Variants in R3HCC1L observed in about 807,000 individuals in gnomAD.
R3HCC1L encodes the protein coiled-coil domain-containing protein R3HCC1L.
R3HCC1L carries 51 observed loss-of-function variants against 59.9 expected under a neutral mutation model. The observed-to-expected ratio is 0.85, with a 90% CI of 0.68 to 1.07. The LOEUF (loss-of-function observed/expected upper bound fraction) is 1.07, where lower values mean the gene tolerates loss of function less well. R3HCC1L is among the 50% of genes least tolerant of loss of function. The pLI is 0.00. For missense variants in R3HCC1L, 965 were observed against 933.0 expected (o/e 1.03, Z -0.45); for synonymous variants, 322 against 315.2 (o/e 1.02, Z -0.23).
At chr10:98,172,411 A>G (rs1225340356) in intron 4 of R3HCC1L, among the ~76,000 whole-genome samples, 2 of 152,186 alleles carry the variant, frequency 1.3e-5, no homozygotes, top group Admixed American at 1.3e-4. Context: ...AGCAAAGCTG[A>G]GGTGTTAGGA....
At chr10:98,162,770 T>C (rs1847569756) in intron 2 of R3HCC1L, 113 bp from the exon 3 acceptor site, 1 of 152,442 alleles carries the variant, frequency 6.6e-6, no homozygotes, top group Non-Finnish European at 1.5e-5. Context: ...CCATCACAGC[T>C]TACTGCAGCC....
chr10:98,183,199 A>G (rs1849830815), intron 4 of R3HCC1L, among the ~76,000 whole-genome samples: 1 of 151,828 alleles, frequency 6.6e-6, no homozygotes, highest in South Asian at 2.1e-4. Context: ...AACATTTTTT[A>G]TTTCTTCTTC....
chr10:98,177,377 T>G (rs1272668334), intron 4 of R3HCC1L, among the ~76,000 whole-genome samples: 1 of 152,246 alleles, frequency 6.6e-6, no homozygotes, highest in Non-Finnish European at 1.5e-5. Context: ...TTCTTTTGGC[T>G]GCGTGGTATT....
chr10:98,189,225 A>G (rs921782317), intron 4 of R3HCC1L, among the ~76,000 whole-genome samples: 5 of 152,172 alleles, frequency 3.3e-5, no homozygotes, highest in African/African-American at 9.6e-5. Flanking sequence ...GAAAGAAACA[A>G]TAAAAATCAG....
chr10:98,244,192 C>G lies in R3HCC1L; in HGVS notation c.*34C>G, dbSNP rs756025433. On this transcript the variant is annotated 3_prime_UTR_variant, in exon 10 of 10. Transcript: ENST00000298999. ...CAATGAAAGGGATAATTCCATGAAT[C>G]AGAAAATGTTTCCATAGCCTTCAGA... is the stretch of plus-strand genomic sequence containing the variant. 1 of 1,590,834 alleles carries G rather than the reference C, an allele frequency of 6.3e-7. No individual in the cohort carries two copies. The highest frequency in any genetic ancestry group is 1.1e-5 in the South Asian group (1 of 90,458).
intron 5 of R3HCC1L, among the ~76,000 whole-genome samples, chr10:98,219,996 C>T (rs1382333851): frequency 2.0e-5 from 3 of 152,168 alleles, no homozygotes; most frequent in African/African-American, 7.2e-5. Context: ...CATCTCTTCT[C>T]CGGAACTCCC....
At position 98,149,027 on chromosome 10, in the gene R3HCC1L, C is replaced by T. The variant is rs545492101; in HGVS notation, c.-267-7066C>T. ...TTCTTTAATGGGAGACTTTTTATTA[C>T]GGCTTCAATCTGGCTATTTCTTATT... On this transcript the variant is annotated intron_variant, in intron 1 of 9. Coordinates refer to ENST00000298999, the MANE Select transcript of R3HCC1L (RefSeq NM_001351015.2). Among the ~76,000 whole-genome samples the T allele has an allele frequency of 2.1e-4, 32 of 152,222 alleles. 1 individual carries two copies. In the South Asian group the frequency reaches 3.9e-3, roughly 19 times the overall value.
chr10:98,148,988 C>T (rs1473260517), intron 1 of R3HCC1L, among the ~76,000 whole-genome samples: 4 of 152,138 alleles, frequency 2.6e-5, no homozygotes, highest in African/African-American at 9.7e-5. Flanking sequence ...GTGAAGCCAT[C>T]AGGTCCTGAG....
chr10:98,196,215 A>T (rs1851418959), intron 4 of R3HCC1L, among the ~76,000 whole-genome samples: 1 of 152,150 alleles, frequency 6.6e-6, no homozygotes, highest in Admixed American at 6.5e-5. Context: ...CTATGCCTTT[A>T]TTACAGTTAA....
chr10:98,210,495 TACTC>T (rs1468546583), intron 5 of R3HCC1L, among the ~76,000 whole-genome samples: 2 of 152,324 alleles, frequency 1.3e-5, no homozygotes, highest in African/African-American at 4.8e-5. Context: ...TCTTAGAAAT[TACTC>T]AGTTCAGTCT....
intron 1 of R3HCC1L, among the ~76,000 whole-genome samples, chr10:98,145,578 A>G (rs1333119533): frequency 2.6e-5 from 4 of 152,214 alleles, no homozygotes; most frequent in Non-Finnish European, 5.9e-5. Context: ...GTTTTTGGGG[A>G]CATGCATTTA....
intron 5 of R3HCC1L, among the ~76,000 whole-genome samples, chr10:98,217,844 A>G (rs1025609313): frequency 1.3e-5 from 2 of 152,068 alleles, no homozygotes; most frequent in Admixed American, 6.5e-5. Flanking sequence ...GTGTACAGAA[A>G]TGCTGAGTTA....
At chr10:98,156,448 G>A (rs1846892334) in intron 2 of R3HCC1L, among the ~76,000 whole-genome samples, 1 of 152,092 alleles carries the variant, frequency 6.6e-6, no homozygotes, top group African/African-American at 2.4e-5. Flanking sequence ...CTCTTGTGTT[G>A]GATATCTTGT....
chr10:98,182,534 T>C (rs555568462), intron 4 of R3HCC1L, among the ~76,000 whole-genome samples: 3 of 152,074 alleles, frequency 2.0e-5, no homozygotes, highest in Non-Finnish European at 2.9e-5. Context: ...TTCTCAGAGC[T>C]CAAACACCGT....
chr10:98,176,919 G>C (rs1294049321), intron 4 of R3HCC1L, among the ~76,000 whole-genome samples: 1 of 151,836 alleles, frequency 6.6e-6, no homozygotes. Flanking sequence ...GATGGATGTT[G>C]AATTTTGTCA....
At chr10:98,145,535 A>C (rs1156467975) in intron 1 of R3HCC1L, among the ~76,000 whole-genome samples, 25 of 152,218 alleles carry the variant, frequency 1.6e-4, no homozygotes, top group Non-Finnish European at 3.5e-4. Context: ...AAAATTGATT[A>C]ATCTAAATGA....
chr10:98,239,970 C>G (rs1471275981), intron 9 of R3HCC1L, among the ~76,000 whole-genome samples: 3 of 152,188 alleles, frequency 2.0e-5, no homozygotes, highest in Non-Finnish European at 4.4e-5. Flanking sequence ...GCTGGAGTTA[C>G]AGACCTGAGC....
intron 4 of R3HCC1L, 86 bp from the exon 5 acceptor site, chr10:98,208,015 A>C: frequency 8.0e-7 from 1 of 1,254,644 alleles, no homozygotes; most frequent in Non-Finnish European, 1.1e-6. Flanking sequence ...ACAGTGTGAG[A>C]CTCTGTCCCA....
intron 5 of R3HCC1L, among the ~76,000 whole-genome samples, chr10:98,219,215 C>A (rs919117173): frequency 4.6e-5 from 7 of 152,114 alleles, no homozygotes; most frequent in Admixed American, 2.6e-4. Flanking sequence ...CCCAGCCAGG[C>A]CTTTTTAAAG....
Sources: allele counts gnomAD v4.1 joint callset (sites outside exome capture counted in the v4.1 genomes callset), GRCh38; gene constraint gnomAD v4.1.1; transcripts MANE v1.5; gene names NCBI Gene and HGNC (gene_info 2026-07-23, HGNC 2026-07-21).